Variants in GPR158 observed in about 807,000 individuals in gnomAD.
The protein encoded by GPR158 is G protein-coupled receptor 158.
A neutral mutation model predicts 78.2 loss-of-function variants in GPR158; 30 were observed. The observed-to-expected ratio is 0.38, with a 90% CI of 0.29 to 0.52. GPR158 has a LOEUF of 0.52. Among genes scored for constraint, GPR158 ranks in the 20% least tolerant of loss-of-function variants. The pLI is 0.83. For missense variants in GPR158, 1,463 were observed against 1,523.5 expected, an observed-to-expected ratio of 0.96 and a Z score of 0.66; for synonymous variants, 581 against 591.1, an observed-to-expected ratio of 0.98 and a Z score of 0.25.
intron 10 of GPR158, 92 bp downstream of exon 10, chr10:25,596,881 T>C: frequency 1.0e-6 from 1 of 991,180 alleles, no homozygotes; most frequent in Non-Finnish European, 1.5e-6. Context: ...TGTGCATGCA[T>C]GTACACTCAT....
intron 2 of GPR158, among the ~76,000 whole-genome samples, chr10:25,240,603 G>A (rs367970659): frequency 6.6e-6 from 1 of 152,060 alleles, no homozygotes; most frequent in South Asian, 2.1e-4. Context: ...GAGCTTCATT[G>A]CAGTATCTCC....
At chr10:25,198,892 TTTGG>T (rs1852879670) in intron 1 of GPR158, among the ~76,000 whole-genome samples, 1 of 151,884 alleles carries the variant, frequency 6.6e-6, no homozygotes, top group African/African-American at 2.4e-5. Context: ...CTATTGAGGG[TTTGG>T]TTGAAGTCTG....
At chr10:25,257,073 T>G (rs1853898213) in intron 2 of GPR158, among the ~76,000 whole-genome samples, 1 of 152,164 alleles carries the variant, frequency 6.6e-6, no homozygotes, top group Non-Finnish European at 1.5e-5. Context: ...GAAAACAAGT[T>G]TATTTGGCTC....
rs368812986 is a variant in GPR158 at position 25,598,600 on chromosome 10, C to G, written c.2974C>G (p.Pro992Ala). 6.2e-7 allele frequency: 1 copy of G among 1,613,976 alleles called. No homozygotes were observed. The highest frequency in any genetic ancestry group is 8.5e-7 in the Non-Finnish European group (1 of 1,179,988). ...CACCACTGCCAATTCTGACCTGAAC[C>G]CAGGCACCACCCAGATGAAGGACAA... The part of the protein sequence containing the change: ...NPTTANSDLN[P>A]GTTQMKDNFD... Residue 992 changes from proline (P) to alanine (A), a missense_variant, in exon 11 of 11, where the codon CCA becomes GCA. Physicochemically the swap from Pro to Ala is conservative, Grantham distance 27. Transcript: ENST00000376351.
intron 2 of GPR158, among the ~76,000 whole-genome samples, chr10:25,257,783 G>C (rs1240047506): frequency 6.6e-6 from 1 of 152,098 alleles, no homozygotes; most frequent in East Asian, 1.9e-4. Flanking sequence ...TACTTTGCGA[G>C]TTACATGGGT....
At chr10:25,544,239 T>C (rs2130706338) in intron 5 of GPR158, among the ~76,000 whole-genome samples, 1 of 152,300 alleles carries the variant, frequency 6.6e-6, no homozygotes, top group South Asian at 2.1e-4. Context: ...GCAACGTCTT[T>C]ATAACTATCA....
At chr10:25,253,149 G>T (rs1428199915) in intron 2 of GPR158, among the ~76,000 whole-genome samples, 1 of 152,238 alleles carries the variant, frequency 6.6e-6, no homozygotes, top group African/African-American at 2.4e-5. Flanking sequence ...CCCAGGTGAG[G>T]CAATGCCTCG....
intron 2 of GPR158, among the ~76,000 whole-genome samples, chr10:25,257,610 A>C (rs1853907665): frequency 6.6e-6 from 1 of 152,196 alleles, no homozygotes; most frequent in Non-Finnish European, 1.5e-5. Flanking sequence ...TTCCTTTTCT[A>C]ATTTATTCAA....
intron 1 of GPR158, among the ~76,000 whole-genome samples, chr10:25,190,722 G>A (rs1852761518): frequency 6.6e-6 from 1 of 152,138 alleles, no homozygotes; most frequent in Non-Finnish European, 1.5e-5. Flanking sequence ...TAAGTCAGAA[G>A]AAAGCTTAAG....
At chr10:25,259,137 G>A (rs1564404566) in intron 2 of GPR158, among the ~76,000 whole-genome samples, 2 of 152,158 alleles carry the variant, frequency 1.3e-5, no homozygotes, top group Non-Finnish European at 2.9e-5. Flanking sequence ...AAGTTGCAGA[G>A]GCAGAGGAAA....
At chr10:25,360,788 A>C (rs563161147) in intron 2 of GPR158, among the ~76,000 whole-genome samples, 43 of 152,132 alleles carry the variant, frequency 2.8e-4, no homozygotes, top group Non-Finnish European at 5.4e-4. Context: ...TTTTTTTCTA[A>C]TTCTGCAAAG....
At chr10:25,413,331 G>A (rs1834618297) in intron 4 of GPR158, among the ~76,000 whole-genome samples, 1 of 152,268 alleles carries the variant, frequency 6.6e-6, no homozygotes, top group Admixed American at 6.5e-5. Context: ...ACCCTGCCCT[G>A]TCTCAATAAA....
At chr10:25,369,874 C>T (rs1833960334) in intron 2 of GPR158, among the ~76,000 whole-genome samples, 1 of 152,046 alleles carries the variant, frequency 6.6e-6, no homozygotes, top group African/African-American at 2.4e-5. Flanking sequence ...CAGGATTCAA[C>T]TTCTTCCTGG....
intron 2 of GPR158, among the ~76,000 whole-genome samples, chr10:25,265,111 T>C (rs368372816): frequency 2.6e-5 from 4 of 152,342 alleles, no homozygotes; most frequent in Admixed American, 6.5e-5. Context: ...GCTTTCTTAA[T>C]GTGTTAGACT....
chr10:25,391,992 G>A (rs1198310901), intron 2 of GPR158, among the ~76,000 whole-genome samples: 1 of 152,054 alleles, frequency 6.6e-6, no homozygotes, highest in Non-Finnish European at 1.5e-5. Context: ...TTTATAAAGG[G>A]CAGTTCTCCT....
intron 2 of GPR158, among the ~76,000 whole-genome samples, chr10:25,287,534 G>A (rs1854369612): frequency 6.6e-6 from 1 of 152,126 alleles, no homozygotes; most frequent in African/African-American, 2.4e-5. Context: ...TGCAGGTGGT[G>A]TGAATCTCCC....
At chr10:25,189,509 C>T (rs948374607) in intron 1 of GPR158, among the ~76,000 whole-genome samples, 10 of 152,042 alleles carry the variant, frequency 6.6e-5, no homozygotes, top group Admixed American at 2.0e-4. Context: ...AGCTGGAAAC[C>T]GTCATTCTCA....
intron 5 of GPR158, among the ~76,000 whole-genome samples, chr10:25,508,283 C>T (rs1266898809): frequency 1.3e-5 from 2 of 152,010 alleles, no homozygotes; most frequent in Admixed American, 1.3e-4. Flanking sequence ...AAACTGAAAC[C>T]ACATGCTCAG....
intron 2 of GPR158, among the ~76,000 whole-genome samples, chr10:25,348,792 G>A (rs58180203): frequency 0.064 from 9,786 of 152,000 alleles, 800 homozygotes; most frequent in African/African-American, 0.2. Flanking sequence ...TGTGGCATGT[G>A]AAAAAGAGGA....
Sources: allele counts gnomAD v4.1 joint callset (sites outside exome capture counted in the v4.1 genomes callset), GRCh38; gene constraint gnomAD v4.1.1; transcripts MANE v1.5; gene names NCBI Gene and HGNC (gene_info 2026-07-23, HGNC 2026-07-21).